MYC: variants seen among roughly 807,000 people sequenced by gnomAD.
The protein encoded by MYC is MYC proto-oncogene, bHLH transcription factor, also known as myc proto-oncogene protein.
In MYC, 1 loss-of-function variant was observed where a neutral mutation model predicts 30.5. The observed-to-expected ratio is 0.03, with a 90% CI of 0.01 to 0.16. The LOEUF is 0.16. MYC is among the 10% of genes least tolerant of loss of function. The probability of loss-of-function intolerance (pLI) is 1.00; values close to 1 mark genes in which losing one functional copy is unlikely to be tolerated. For synonymous variants in MYC, 267 were observed against 250.7 expected, an observed-to-expected ratio of 1.07 and a Z score of -0.62; for missense variants, 508 against 589.0, an observed-to-expected ratio of 0.86 and a Z score of 1.42.
intron 1 of MYC, among the ~76,000 whole-genome samples, chr8:127,737,090 C>A (rs1175192242): frequency 6.6e-6 from 1 of 152,248 alleles, no homozygotes; most frequent in Non-Finnish European, 1.5e-5. Context: ...TCCGGGAGGG[C>A]ATTTAAATTT....
rs2130094939 is a variant in MYC, at chr8:127,738,613, C to G, written c.396C>G (p.Cys132Trp). Residue 132 changes from cysteine (C) to tryptophan (W), a missense_variant, in exon 2 of 3, where the codon TGC becomes TGG. Physicochemically the swap from Cys to Trp is radical, Grantham distance 215. This residue lies in a region of MYC where 364 missense variants were observed against 381.1 expected (regional missense o/e 0.96). Transcript: ENST00000621592. The surrounding 1 kb of genome is among the most constrained non-coding windows in gnomAD (Gnocchi z 7.6). ...ACATGGTGAACCAGAGTTTCATCTG[C>G]GACCCGGACGACGAGACCTTCATCA... The G allele has an allele frequency of 6.2e-7, 1 of 1,612,674 alleles. No homozygotes were observed. Among genetic ancestry groups the G allele is most frequent in the Non-Finnish European group, 8.5e-7 (1 of 1,179,052 alleles).
chr8:127,741,011 T>A lies in MYC; in HGVS notation c.*53T>A, dbSNP rs1003352425. 8.2e-6 allele frequency: 12 copies of A among 1,464,490 alleles called. No homozygotes were observed. The highest frequency in any genetic ancestry group is 4.7e-5 in the Admixed American group (2 of 42,208). 90.7% of individuals were successfully genotyped at this position (1,464,490 alleles called of 1,614,324 possible). On this transcript the variant is annotated 3_prime_UTR_variant, in exon 3 of 3. Transcript: ENST00000621592. ...AACAGAAATGTCCTGAGCAATCACC[T>A]ATGAACTTGTTTCAAATGCATGATC...
At chr8:127,736,107 G>T (rs1648188260), upstream of MYC, 4 of 425,074 alleles carry the variant, frequency 9.4e-6, no homozygotes, top group African/African-American at 4.1e-5. Flanking sequence ...CCACCGCCGG[G>T]CCCCGGCCGT....
chr8:127,740,535 G>A lies in MYC; in HGVS notation c.942G>A (p.Arg314=), dbSNP rs754669125. The change falls in exon 3 of 3, where the codon AGG becomes AGA. Residue 314 remains arginine, a synonymous_variant. Transcript: ENST00000621592. ...CTCACAGCCCACTGGTCCTCAAGAG[G>A]TGCCACGTCTCCACACATCAGCACA... 9 of 1,614,034 alleles carry A rather than the reference G, an allele frequency of 5.6e-6. 1 individual carries two copies. The highest frequency in any genetic ancestry group is 3.3e-5 in the South Asian group (3 of 91,064).
rs140182565 is a variant in MYC, at chr8:127,738,511, G to C, written c.294G>C (p.Arg98=). ...TTGCGGTCACACCCTTCTCCCTTCG[G>C]GGAGACAACGACGGCGGTGGCGGGA... The change falls in exon 2 of 3, where the codon CGG becomes CGC. Residue 98 remains arginine, a synonymous_variant. Transcript: ENST00000621592. The surrounding 1 kb of genome is among the most constrained non-coding windows in gnomAD (Gnocchi z 7.6). 267 of 1,610,728 alleles carry C rather than the reference G, an allele frequency of 1.7e-4. 1 individual carries two copies. The African/African-American group carries it at 3.3e-3, about 20-fold the overall frequency.
chr8:127,736,274 G>A lies in MYC; in HGVS notation c.-320G>A. On this transcript the variant is annotated 5_prime_UTR_variant, in exon 1 of 3. Transcript: ENST00000621592. Reference sequence around the variant, plus strand: ...CAGCGAGAGGCAGAGGGAGCGAGCGGGCGGCCGGCTAGGGTGGAAGAGCCG... The same window carrying A: ...CAGCGAGAGGCAGAGGGAGCGAGCGAGCGGCCGGCTAGGGTGGAAGAGCCG... 3.7e-6 allele frequency: 2 copies of A among 539,810 alleles called. No homozygotes were observed. Among genetic ancestry groups the A allele is most frequent in the Admixed American group, 3.5e-5 (1 of 28,456 alleles). 33.4% of individuals were successfully genotyped at this position (539,810 alleles called of 1,614,324 possible).
rs182295576 is a variant in MYC, at chr8:127,742,166, T to C, written c.*1208T>C. Among the ~76,000 whole-genome samples, 36 of 152,352 alleles carry C rather than the reference T, an allele frequency of 2.4e-4. No individual in the cohort carries two copies. The highest frequency in any genetic ancestry group is 8.7e-4 in the African/African-American group (36 of 41,580). The stretch of plus-strand genomic sequence containing the variant: ...TCATAACAATGCTAAGCTCTATTTG[T>C]GTCCCAAGCACTCCTAAGCATTTTA... On this transcript the variant is annotated 3_prime_UTR_variant, in exon 3 of 3. Transcript: ENST00000621592.
At position 127,738,694 on chromosome 8, in the gene MYC, C is replaced by A. The variant is rs143376340; in HGVS notation, c.477C>A (p.Leu159=). The A allele has an allele frequency of 2.5e-5, 40 of 1,614,000 alleles. No homozygotes were observed. The highest frequency in any genetic ancestry group is 4.0e-5 in the African/African-American group (3 of 74,946). The change falls in exon 2 of 3, where the codon CTC becomes CTA. Residue 159 remains leucine, a synonymous_variant. Transcript: ENST00000621592. This position sits in a 1 kb window ranked among gnomAD's most constrained non-coding sequence, Gnocchi z 7.6. ...GCGGCTTCTCGGCCGCCGCCAAGCT[C>A]GTCTCAGAGAAGCTGGCCTCCTACC... is the stretch of plus-strand genomic sequence containing the variant.
At position 127,738,212 on chromosome 8, in the gene MYC, TC is replaced by T. The variant is rs1362453603; in HGVS notation, c.31-35del. 6.5e-7 allele frequency: 1 copy of T among 1,544,658 alleles called. No homozygotes were observed. The highest frequency in any genetic ancestry group is 2.3e-5 in the East Asian group (1 of 44,182). ...GTTTCCGCACCAAGACCCCTTTAACTCAAGACTGCCTCCCGCTTTGTGTGCC... is the reference window on the plus strand; with the variant it reads ...GTTTCCGCACCAAGACCCCTTTAACTAAGACTGCCTCCCGCTTTGTGTGCC... On this transcript the variant is annotated intron_variant, in intron 1 of 2. Transcript: ENST00000621592. This position sits in a 1 kb window ranked among gnomAD's most constrained non-coding sequence, Gnocchi z 7.6.
At chr8:127,737,431 G>A (rs758881887) in intron 1 of MYC, among the ~76,000 whole-genome samples, 1 of 152,362 alleles carries the variant, frequency 6.6e-6, no homozygotes, top group East Asian at 1.9e-4. Flanking sequence ...GAGGAACTGC[G>A]AGGAGCGGGG....
chr8:127,737,283 C>T (rs1244703910), intron 1 of MYC, among the ~76,000 whole-genome samples: 1 of 152,236 alleles, frequency 6.6e-6, no homozygotes. Context: ...TGGGTAGGCG[C>T]AGGCAGGGGA....
Position 127,741,828 on chromosome 8 carries a change from C to T in MYC, c.*870C>T, listed in dbSNP as rs1160564541. Among the ~76,000 whole-genome samples the T allele has an allele frequency of 1.3e-5, 2 of 152,184 alleles. No homozygotes were observed. Among genetic ancestry groups the T allele is most frequent in the African/African-American group, 4.8e-5 (2 of 41,432 alleles). The stretch of plus-strand genomic sequence containing the variant: ...GCTCACTCCAAACCCAGGAATTCTG[C>T]CCAGTTGATGGGGACACGGTGGGAA... On this transcript the variant is annotated 3_prime_UTR_variant, in exon 3 of 3. Transcript: ENST00000621592.
Position 127,736,374 on chromosome 8 carries a change from G to T in MYC, c.-220G>T, listed in dbSNP as rs1813589352. Reference sequence around the variant, plus strand: ...AATAGGGGGCTTCGCCTCTGGCCCAGCCCTCCCGCTGATCCCCCAGCCAGC... The same window carrying T: ...AATAGGGGGCTTCGCCTCTGGCCCATCCCTCCCGCTGATCCCCCAGCCAGC... On this transcript the variant is annotated 5_prime_UTR_variant, in exon 1 of 3. Transcript: ENST00000621592. 1.6e-6 allele frequency: 1 copy of T among 611,460 alleles called. No individual in the cohort carries two copies. The highest frequency in any genetic ancestry group is 2.9e-6 in the Non-Finnish European group (1 of 345,392). The allele number at this position is 611,460 out of a possible 1,614,324, so 37.9% of individuals were successfully genotyped here.
Position 127,739,024 on chromosome 8 carries a change from G to A in MYC, c.802+5G>A. Reference sequence around the variant, plus strand: ...CCACCACCAGCAGCGACTCTGGTAAGCGAAGCCCGCCCAGGCCTGTCAAAA... The same window carrying A: ...CCACCACCAGCAGCGACTCTGGTAAACGAAGCCCGCCCAGGCCTGTCAAAA... On this transcript the variant is annotated splice_donor_5th_base_variant and intron_variant, in intron 2 of 2. Transcript: ENST00000621592. 1 of 1,498,814 alleles carries A rather than the reference G, an allele frequency of 6.7e-7. No individual in the cohort carries two copies. The highest frequency in any genetic ancestry group is 8.8e-7 in the Non-Finnish European group (1 of 1,131,690). The allele number at this position is 1,498,814 out of a possible 1,614,324, so 92.8% of individuals were successfully genotyped here. A position where few individuals can be genotyped will look rare whatever the true frequency, so the allele number is the denominator to read the frequency against.
rs1214201921 is a variant in MYC at position 127,742,378 on chromosome 8, G to A, written c.*1420G>A. ...CTGTCCAAGCCACCTCTCAGACGAC[G>A]GTAGGAATCAGCTGGCTGCTTGTGA... is the stretch of plus-strand genomic sequence containing the variant. On this transcript the variant is annotated 3_prime_UTR_variant, in exon 3 of 3. Transcript: ENST00000621592. Among the ~76,000 whole-genome samples the A allele has an allele frequency of 3.3e-5, 5 of 152,340 alleles. No homozygotes were observed. Among genetic ancestry groups the A allele is most frequent in the Non-Finnish European group, 4.4e-5 (3 of 68,034 alleles).
rs1813638753 is a variant in MYC at position 127,738,201 on chromosome 8, A to T, written c.31-47A>T. The T allele has an allele frequency of 6.6e-7, 1 of 1,524,860 alleles. No homozygotes were observed. The highest frequency in any genetic ancestry group is 8.8e-7 in the Non-Finnish European group (1 of 1,136,988). 94.5% of individuals were successfully genotyped at this position (1,524,860 alleles called of 1,614,324 possible). On this transcript the variant is annotated intron_variant, in intron 1 of 2. Transcript: ENST00000621592. This position sits in a 1 kb window ranked among gnomAD's most constrained non-coding sequence, Gnocchi z 7.6. ...CGCTGCGCCAGGTTTCCGCACCAAG[A>T]CCCCTTTAACTCAAGACTGCCTCCC...
Position 127,740,832 on chromosome 8 carries a change from A to G in MYC, c.1239A>G (p.Lys413=). The change falls in exon 3 of 3, where the codon AAA becomes AAG. Residue 413 remains lysine (K), a synonymous_variant. Coordinates refer to ENST00000621592, the MANE Select transcript of MYC (RefSeq NM_002467.6). ...CCCCCAAGGTAGTTATCCTTAAAAA[A>G]GCCACAGCATACATCCTGTCCGTCC... 5.0e-6 allele frequency: 8 copies of G among 1,614,168 alleles called. No homozygotes were observed. Among genetic ancestry groups the G allele is most frequent in the Non-Finnish European group, 6.8e-6 (8 of 1,180,036 alleles).
Position 127,738,920 on chromosome 8 carries a change from T to C in MYC, c.703T>C (p.Ser235Pro). 1.2e-6 allele frequency: 2 copies of C among 1,609,076 alleles called. No individual in the cohort carries two copies. Among genetic ancestry groups the C allele is most frequent in the Non-Finnish European group, 1.7e-6 (2 of 1,179,896 alleles). ...AGACTCCAGCGCCTTCTCTCCGTCCTCGGATTCTCTGCTCTCCTCGACGGA... is the reference window on the plus strand; with the variant it reads ...AGACTCCAGCGCCTTCTCTCCGTCCCCGGATTCTCTGCTCTCCTCGACGGA... Residue 235 changes from serine (S) to proline (P), a missense_variant, in exon 2 of 3, where the codon TCG becomes CCG. Physicochemically the swap from Ser to Pro is moderately conservative, Grantham distance 74. This residue lies in a region of MYC where 364 missense variants were observed against 381.1 expected (regional missense o/e 0.96). Transcript: ENST00000621592. The surrounding 1 kb of genome is among the most constrained non-coding windows in gnomAD (Gnocchi z 7.6).
chr8:127,738,608 A>G lies in MYC; in HGVS notation c.391A>G (p.Ile131Val), dbSNP rs2130094877. 6.2e-7 allele frequency: 1 copy of G among 1,613,020 alleles called. No individual in the cohort carries two copies. Among genetic ancestry groups the G allele is most frequent in the Non-Finnish European group, 8.5e-7 (1 of 1,179,220 alleles). Residue 131 changes from isoleucine (I) to valine (V), a missense_variant, in exon 2 of 3, where the codon ATC becomes GTC. By Grantham distance (29) the Ile-to-Val change is conservative (BLOSUM62 3). This residue lies in a region of MYC where 364 missense variants were observed against 381.1 expected (regional missense o/e 0.96). Transcript: ENST00000621592. This position sits in a 1 kb window ranked among gnomAD's most constrained non-coding sequence, Gnocchi z 7.6. ...AGGAGACATGGTGAACCAGAGTTTC[A>G]TCTGCGACCCGGACGACGAGACCTT...
Sources: gnomAD v4.1 joint callset for allele counts (sites outside exome capture counted in the v4.1 genomes callset) on GRCh38, gnomAD v4.1.1 for gene constraint, gnomAD v4.1.1 regional missense constraint, Gnocchi (gnomAD v3.1) non-coding constraint, MANE v1.5 for transcripts, NCBI Gene and HGNC (gene_info 2026-07-23, HGNC 2026-07-21) for gene names.